Variants in GMCL1 observed in about 807,000 individuals in gnomAD.
GMCL1 encodes the protein germ cell-less 1, spermatogenesis associated.
In GMCL1, 54 loss-of-function variants were observed where a neutral mutation model predicts 75.5. The ratio of observed to expected loss-of-function variants is 0.71; its 90% confidence interval spans 0.57 to 0.90. The LOEUF (loss-of-function observed/expected upper bound fraction) is 0.90, where lower values mean the gene tolerates loss of function less well. Among genes scored for constraint, GMCL1 ranks in the 40% least tolerant of loss-of-function variants. The pLI, the probability that GMCL1 is intolerant of heterozygous loss-of-function variation, is 0.00. For synonymous variants in GMCL1, 210 were observed against 209.6 expected, an observed-to-expected ratio of 1.00 and a Z score of -0.02; for missense variants, 537 against 622.7, an observed-to-expected ratio of 0.86 and a Z score of 1.47.
At chr2:69,867,604 A>C (rs188325320) in intron 11 of GMCL1, among the ~76,000 whole-genome samples, 1 of 152,206 alleles carries the variant, frequency 6.6e-6, no homozygotes, top group Non-Finnish European at 1.5e-5. Context: ...TTTATGTTCC[A>C]TCGTAAAATT....
rs747916035 is a variant in GMCL1, at chr2:69,864,939, C to T, written c.1182C>T (p.Ser394=). 6.2e-7 allele frequency: 1 copy of T among 1,613,220 alleles called. No individual in the cohort carries two copies. Among genetic ancestry groups the T allele is most frequent in the East Asian group, 2.2e-5 (1 of 44,820 alleles). The part of the protein sequence containing the change: ...EINKEELEGN[S]MRCGRKLAKD... The stretch of plus-strand genomic sequence containing the variant: ...ATAAAGAAGAACTAGAGGGAAACAG[C>T]ATGAGGTGTGGTAGAAAGCTTGCCA... Residue 394 remains serine, a synonymous_variant, in exon 11 of 14, where the codon AGC becomes AGT. Transcript: ENST00000282570.
At chr2:69,859,760 T>G (rs1373202172) in intron 9 of GMCL1, among the ~76,000 whole-genome samples, 2 of 69,408 alleles carry the variant, frequency 2.9e-5, no homozygotes, top group Non-Finnish European at 2.7e-5. Context: ...AAAAAAAAAG[T>G]ATATATGGGA....
At chr2:69,872,551 T>C (rs987277820) in intron 13 of GMCL1, among the ~76,000 whole-genome samples, 2 of 152,228 alleles carry the variant, frequency 1.3e-5, no homozygotes, top group African/African-American at 4.8e-5. Context: ...GAGACTATCA[T>C]AGAACATCCT....
At chr2:69,833,646 A>G (rs1238026910) in intron 1 of GMCL1, among the ~76,000 whole-genome samples, 1 of 152,214 alleles carries the variant, frequency 6.6e-6, no homozygotes, top group Non-Finnish European at 1.5e-5. Context: ...TTTAAAAGAG[A>G]AAGTATTAAG....
At chr2:69,865,572 C>T (rs1414679884) in intron 11 of GMCL1, among the ~76,000 whole-genome samples, 4 of 151,718 alleles carry the variant, frequency 2.6e-5, no homozygotes, top group East Asian at 1.9e-4. Flanking sequence ...CACCTGAACT[C>T]GGGAGGCAGA....
chr2:69,875,990 A>G (rs1676119845), intron 13 of GMCL1, among the ~76,000 whole-genome samples: 1 of 152,128 alleles, frequency 6.6e-6, no homozygotes, highest in Non-Finnish European at 1.5e-5. Context: ...GCACCCAGCC[A>G]GTATTTTACA....
intron 1 of GMCL1, among the ~76,000 whole-genome samples, chr2:69,830,994 A>T (rs771395772): frequency 2.6e-5 from 4 of 152,136 alleles, no homozygotes; most frequent in Non-Finnish European, 5.9e-5. Flanking sequence ...ATCTCAACTC[A>T]CTGCAACCTC....
intron 5 of GMCL1, 124 bp downstream of exon 5, chr2:69,843,385 A>G: frequency 1.8e-6 from 1 of 557,214 alleles, no homozygotes; most frequent in Non-Finnish European, 3.2e-6. Context: ...GGGGGATGGA[A>G]TTTTATTAAA....
chr2:69,830,105 T>G lies in GMCL1; in HGVS notation c.213T>G (p.Asp71Glu), dbSNP rs1674627454. Residue 71 changes from aspartate to glutamate, a missense_variant, in exon 1 of 14, where the codon GAT becomes GAG. This residue lies in a region of GMCL1 where 144 missense variants were observed against 127.2 expected (regional missense o/e 1.13). Coordinates refer to ENST00000282570, the MANE Select transcript of GMCL1 (RefSeq NM_178439.5). ...ACCCTGACTCGGAGACGGACGAGGA[T>G]GAGGAGGAGGGGGACGAGCAGCAGC... is the stretch of plus-strand genomic sequence containing the variant. ...YCHPDSETDE[D>E]EEEGDEQQRL... The G allele has an allele frequency of 6.3e-7, 1 of 1,578,896 alleles. No homozygotes were observed. The highest frequency in any genetic ancestry group is 8.6e-7 in the Non-Finnish European group (1 of 1,162,024).
intron 11 of GMCL1, among the ~76,000 whole-genome samples, chr2:69,865,731 CT>C (rs898631917): frequency 6.6e-6 from 1 of 152,110 alleles, no homozygotes. Context: ...ATACTTACCC[CT>C]GTGCATCCAG....
chr2:69,843,111 G>A (rs753896134), intron 4 of GMCL1, 38 bp from the exon 5 acceptor site: 26 of 1,086,062 alleles, frequency 2.4e-5, no homozygotes, highest in African/African-American at 3.3e-5. Context: ...TTTTTCCCAC[G>A]TGAAATGGGC....
chr2:69,847,956 T>G (rs1048776579), intron 7 of GMCL1, among the ~76,000 whole-genome samples: 1 of 152,208 alleles, frequency 6.6e-6, no homozygotes, highest in African/African-American at 2.4e-5. Context: ...AAGTTGAGCT[T>G]CAGTTAATGA....
chr2:69,830,064 T>A lies in GMCL1; in HGVS notation c.172T>A (p.Ser58Thr). The change falls in exon 1 of 14, where the codon TCC (serine) becomes ACC (threonine). Residue 58 changes from serine to threonine, a missense_variant. Transcript: ENST00000282570. ...CCACAAGCGCAAGCGGAGCAGCGGG[T>A]CCTTCTGCTACTGTCACCCTGACTC... ...GSHKRKRSSGSFCYCHPDSET... is the reference protein window; with the variant it reads ...GSHKRKRSSGTFCYCHPDSET... The A allele has an allele frequency of 1.3e-6, 2 of 1,570,448 alleles. No individual in the cohort carries two copies. Among genetic ancestry groups the A allele is most frequent in the Non-Finnish European group, 1.7e-6 (2 of 1,157,320 alleles).
At chr2:69,842,154 T>C (rs889988190) in intron 4 of GMCL1, among the ~76,000 whole-genome samples, 6 of 152,152 alleles carry the variant, frequency 3.9e-5, no homozygotes, top group African/African-American at 1.2e-4. Context: ...AGTAGGGTAG[T>C]AGCAATAAGC....
At chr2:69,831,022 G>A (rs937966115) in intron 1 of GMCL1, among the ~76,000 whole-genome samples, 2 of 152,078 alleles carry the variant, frequency 1.3e-5, no homozygotes, top group African/African-American at 2.4e-5. Flanking sequence ...TGGTTCAAGC[G>A]ATTCTTGTGC....
intron 13 of GMCL1, among the ~76,000 whole-genome samples, chr2:69,876,172 A>T (rs1676125535): frequency 6.6e-6 from 1 of 152,234 alleles, no homozygotes; most frequent in East Asian, 1.9e-4. Context: ...AGGATTAAAG[A>T]TATGATAATG....
intron 3 of GMCL1, among the ~76,000 whole-genome samples, chr2:69,839,789 C>T (rs550498624): frequency 1.3e-5 from 2 of 152,010 alleles, no homozygotes; most frequent in South Asian, 2.1e-4. Flanking sequence ...TAAATATGCC[C>T]ACCTGGGATA....
At chr2:69,843,428 G>A (rs1675042605) in intron 5 of GMCL1, among the ~76,000 whole-genome samples, 167 bp downstream of exon 5, 1 of 152,182 alleles carries the variant, frequency 6.6e-6, no homozygotes, top group Non-Finnish European at 1.5e-5. Flanking sequence ...GGACTAATTA[G>A]TAAATTCCTC....
At chr2:69,845,887 C>G (rs571661674) in intron 6 of GMCL1, among the ~76,000 whole-genome samples, 9 of 151,650 alleles carry the variant, frequency 5.9e-5, no homozygotes, top group African/African-American at 2.2e-4. Context: ...GAGTATGTGA[C>G]ATTCTGATGG....
Sources: allele counts gnomAD v4.1 joint callset (sites outside exome capture counted in the v4.1 genomes callset), GRCh38; gene constraint gnomAD v4.1.1; regional missense constraint gnomAD v4.1.1; transcripts MANE v1.5; gene names NCBI Gene and HGNC (gene_info 2026-07-23, HGNC 2026-07-21).